MYH14: variants seen among roughly 807,000 people sequenced by gnomAD.
MYH14 encodes the protein myosin heavy chain 14, also known as myosin-14.
MYH14 carries 123 observed loss-of-function variants against 255.5 expected under a neutral mutation model. That is an observed-to-expected ratio of 0.48 (90% CI 0.42 to 0.56). The LOEUF (loss-of-function observed/expected upper bound fraction) is 0.56, where lower values mean the gene tolerates loss of function less well. Ranked by LOEUF, MYH14 falls within the 20% of genes least tolerant of loss-of-function variation. The pLI is 0.00. For synonymous variants in MYH14, 1,095 were observed against 1,161.2 expected (o/e 0.94, Z 1.16); for missense variants, 2,423 against 2,802.3 (o/e 0.86, Z 3.06).
intron 24 of MYH14, among the ~76,000 whole-genome samples, chr19:50,271,071 C>T (rs1304922666): frequency 6.6e-6 from 1 of 151,950 alleles, no homozygotes; most frequent in Non-Finnish European, 1.5e-5. Context: ...GATAGGTGTT[C>T]CTTTTTTTTT....
chr19:50,270,992 C>T (rs2035278510), intron 24 of MYH14, among the ~76,000 whole-genome samples: 3 of 152,210 alleles, frequency 2.0e-5, no homozygotes, highest in Admixed American at 2.0e-4. Context: ...CTGCGCCTGA[C>T]CTATTTACTA....
chr19:50,214,495 C>T (rs73060993), intron 2 of MYH14, among the ~76,000 whole-genome samples: 2,921 of 152,132 alleles, frequency 0.019, 44 homozygotes, highest in Middle Eastern at 0.044. Flanking sequence ...GGAACCCCTT[C>T]GTAGAACACC....
chr19:50,299,570 C>CAAAAAAAAA (rs4002409), intron 39 of MYH14, among the ~76,000 whole-genome samples: 1 of 57,644 alleles, frequency 1.7e-5, no homozygotes, highest in Non-Finnish European at 3.0e-5. Flanking sequence ...GACTCCATCT[C>CAAAAAAAAA]AAAAAAAAAA....
chr19:50,229,005 T>G (rs1246700448), intron 8 of MYH14, among the ~76,000 whole-genome samples: 2 of 152,136 alleles, frequency 1.3e-5, no homozygotes, highest in African/African-American at 4.8e-5. Context: ...CACCGCCACC[T>G]CGAGAGTCCC....
intron 10 of MYH14, among the ~76,000 whole-genome samples, chr19:50,241,952 G>A (rs1007797953): frequency 5.3e-5 from 8 of 152,154 alleles, no homozygotes; most frequent in African/African-American, 9.7e-5. Flanking sequence ...CCACCACACC[G>A]CACCAAGCCT....
In MYH14 at chr19:50,266,888, G is replaced by A. The variant is rs1202945876; in HGVS notation, c.2706G>A (p.Leu902=). Residue 902 remains leucine (L), a synonymous_variant, in exon 23 of 43, where the codon CTG becomes CTA. Coordinates refer to ENST00000642316, the MANE Select transcript of MYH14 (RefSeq NM_001145809.2). This position sits in a 1 kb window ranked among gnomAD's most constrained non-coding sequence, Gnocchi z 4.1. Reference sequence around the variant, plus strand: ...TCACCTCCACCTAGGTGAAGCCACTGCTGCAGGTGACGCGGCAGGATGAGG... The same window carrying A: ...TCACCTCCACCTAGGTGAAGCCACTACTGCAGGTGACGCGGCAGGATGAGG... ...WWRLFTKVKP[L]LQVTRQDEVL... 6.4e-7 allele frequency: 1 copy of A among 1,551,874 alleles called. No homozygotes were observed. The highest frequency in any genetic ancestry group is 8.7e-7 in the Non-Finnish European group (1 of 1,147,084).
At chr19:50,301,023 A>G (rs1400193004) in intron 39 of MYH14, among the ~76,000 whole-genome samples, 1 of 152,196 alleles carries the variant, frequency 6.6e-6, no homozygotes, top group Non-Finnish European at 1.5e-5. Flanking sequence ...GGTAAAATAA[A>G]GTATGAATCA....
chr19:50,287,022 G>A (rs1333750160), intron 34 of MYH14, among the ~76,000 whole-genome samples: 1 of 152,178 alleles, frequency 6.6e-6, no homozygotes, highest in African/African-American at 2.4e-5. Flanking sequence ...GGAGGCTGAA[G>A]CAGGAGAATC....
intron 3 of MYH14, among the ~76,000 whole-genome samples, chr19:50,219,901 A>G (rs2032722368): frequency 6.6e-6 from 1 of 152,086 alleles, no homozygotes. Context: ...ATCTATTTAC[A>G]TCATATAACA....
chr19:50,308,091 G>C (rs532054782), intron 41 of MYH14, among the ~76,000 whole-genome samples: 46 of 152,368 alleles, frequency 3.0e-4, no homozygotes, highest in African/African-American at 9.9e-4. Flanking sequence ...GGAAGACACA[G>C]AGGATTGGGG....
At chr19:50,209,329 G>T (rs1462276154) in intron 1 of MYH14, among the ~76,000 whole-genome samples, 2 of 152,128 alleles carry the variant, frequency 1.3e-5, no homozygotes, top group Non-Finnish European at 2.9e-5. Context: ...CTTCCAGCTT[G>T]TCTGTTGCTC....
Position 50,208,283 on chromosome 19 carries a change from C to T in MYH14, c.-3-2080C>T, listed in dbSNP as rs572257348. On this transcript the variant is annotated intron_variant, in intron 1 of 42. Transcript: ENST00000642316. ...TACAAAAATTAGCCAGGCATAGAGGCATGCGCCTGTAATCCCAGCTACTTG... is the reference window on the plus strand; with the variant it reads ...TACAAAAATTAGCCAGGCATAGAGGTATGCGCCTGTAATCCCAGCTACTTG... Among the ~76,000 whole-genome samples the T allele has an allele frequency of 4.1e-4, 63 of 152,254 alleles. 3 individuals are homozygous for T. The highest frequency in any genetic ancestry group is 2.1e-4 in the Non-Finnish European group (14 of 68,026).
At chr19:50,256,078 G>T (rs1886693787) in intron 17 of MYH14, among the ~76,000 whole-genome samples, 1 of 151,802 alleles carries the variant, frequency 6.6e-6, no homozygotes, top group Non-Finnish European at 1.5e-5. Flanking sequence ...AAGAGTTTGA[G>T]ATTAGCCTGA....
chr19:50,204,979 CTT>C, intron 1 of MYH14, among the ~76,000 whole-genome samples: 1 of 151,912 alleles, frequency 6.6e-6, no homozygotes, highest in South Asian at 2.1e-4. Context: ...AGTAGGTACT[CTT>C]ATCACCATGT....
chr19:50,243,345 A>C (rs1243822345), intron 10 of MYH14, among the ~76,000 whole-genome samples: 1 of 152,094 alleles, frequency 6.6e-6, no homozygotes, highest in African/African-American at 2.4e-5. Flanking sequence ...GTGAGGCAGG[A>C]GAATCGCTTG....
chr19:50,272,797 C>G, intron 27 of MYH14, 66 bp downstream of exon 27: 1 of 1,493,814 alleles, frequency 6.7e-7, no homozygotes, highest in East Asian at 2.5e-5. Context: ...CGTGGGGTGC[C>G]CAAGTCAGAA....
Position 50,266,998 on chromosome 19 carries a change from G to T in MYH14, c.2816G>T (p.Arg939Leu), listed in dbSNP as rs866664669. 6 of 1,565,038 alleles carry T rather than the reference G, an allele frequency of 3.8e-6. No individual in the cohort carries two copies. The highest frequency in any genetic ancestry group is 1.3e-5 in the African/African-American group (1 of 74,204). Residue 939 changes from arginine to leucine, a missense_variant, in exon 23 of 43, where the codon CGA (arginine) becomes CTA (leucine). Transcript: ENST00000642316. This position sits in a 1 kb window ranked among gnomAD's most constrained non-coding sequence, Gnocchi z 4.1. ...SAREVGELQGRVAQLEEERAR... is the reference protein window; with the variant it reads ...SAREVGELQGLVAQLEEERAR... ...CGCGAAGTTGGGGAGCTCCAGGGCC[G>T]AGTGGCACAGGTGAGGGGGCGGGGG...
At chr19:50,219,723 C>T (rs2032711946) in intron 3 of MYH14, among the ~76,000 whole-genome samples, 1 of 150,790 alleles carries the variant, frequency 6.6e-6, no homozygotes, top group Non-Finnish European at 1.5e-5. Context: ...GGGTATCCAT[C>T]CAAGGGGCTG....
intron 26 of MYH14, 110 bp from the exon 27 acceptor site, chr19:50,272,450 G>C: frequency 1.8e-6 from 2 of 1,136,860 alleles, no homozygotes; most frequent in Non-Finnish European, 2.6e-6. Flanking sequence ...AGGCGTTAAG[G>C]GAGGTGCTGA....
Sources: gnomAD v4.1 joint callset for allele counts (sites outside exome capture counted in the v4.1 genomes callset) on GRCh38, gnomAD v4.1.1 for gene constraint, Gnocchi (gnomAD v3.1) non-coding constraint, MANE v1.5 for transcripts, NCBI Gene and HGNC (gene_info 2026-07-23, HGNC 2026-07-21) for gene names.